Variants in MPG observed in about 807,000 individuals in gnomAD.
MPG encodes the protein DNA-3-methyladenine glycosylase.
A neutral mutation model predicts 31.7 loss-of-function variants in MPG; 33 were observed. The ratio of observed to expected loss-of-function variants is 1.04; its 90% CI spans 0.79 to 1.39. The LOEUF is 1.39. Among genes scored for constraint, MPG ranks in the 40% most tolerant of loss-of-function variants. The probability of loss-of-function intolerance (pLI) is 0.00; values close to 1 mark genes in which losing one functional copy is unlikely to be tolerated. For missense variants in MPG, 455 were observed against 415.5 expected (o/e 1.10, Z -0.83); for synonymous variants, 202 against 169.2 (o/e 1.19, Z -1.51).
chr16:82,141 C>T lies in MPG; in HGVS notation c.301-911C>T, dbSNP rs1171162267. ...GGGAAGCCCTCCTGAATGCTCCCCA[C>T]GCTGGCCCCTTCTTCCCACCACCCT... On this transcript the variant is annotated intron_variant, in intron 2 of 3. Transcript: ENST00000356432. Among the ~76,000 whole-genome samples the T allele has an allele frequency of 4.9e-5, 4 of 81,446 alleles. 1 individual carries two copies. Among genetic ancestry groups the T allele is most frequent in the Middle Eastern group, 0.015 (2 of 134 alleles). The allele number at this position is 81,446 out of a possible 152,430, so 53.4% of individuals were successfully genotyped here.
At position 85,487 on chromosome 16, in the gene MPG, G is replaced by A. The variant is rs771688051; in HGVS notation, c.592G>A (p.Gly198Ser). ...TCAGCTTCGCAGCACCCTCCGGAAA[G>A]GCACCGCCAGCCGTGTCCTCAAGGA... ...MRQLRSTLRK[G>S]TASRVLKDRE... The change falls in exon 4 of 4, where the codon GGC (glycine) becomes AGC (serine). Residue 198 changes from glycine (G) to serine (S), a missense_variant. Coordinates refer to ENST00000356432, the MANE Select transcript of MPG (RefSeq NM_001015052.3). The A allele has an allele frequency of 2.5e-6, 4 of 1,613,098 alleles. No homozygotes were observed. Among genetic ancestry groups the A allele is most frequent in the Non-Finnish European group, 3.4e-6 (4 of 1,180,040 alleles).
Position 85,516 on chromosome 16 carries a change from C to G in MPG, c.621C>G (p.Arg207=). Residue 207 remains arginine (R), a synonymous_variant, in exon 4 of 4, where the codon CGC becomes CGG. Coordinates refer to ENST00000356432, the MANE Select transcript of MPG (RefSeq NM_001015052.3). ...CCGCCAGCCGTGTCCTCAAGGACCG[C>G]GAGCTCTGCAGTGGCCCCTCCAAGC... ...KGTASRVLKD[R]ELCSGPSKLC... is the part of the protein sequence containing the mutation. 2 of 1,613,358 alleles carry G rather than the reference C, an allele frequency of 1.2e-6. No homozygotes were observed. Among genetic ancestry groups the G allele is most frequent in the Non-Finnish European group, 1.7e-6 (2 of 1,180,042 alleles).
Position 83,133 on chromosome 16 carries a change from G to A in MPG, c.382G>A (p.Glu128Lys), listed in dbSNP as rs764582532. 3.1e-6 allele frequency: 5 copies of A among 1,613,220 alleles called. No homozygotes were observed. Among genetic ancestry groups the A allele is most frequent in the East Asian group, 4.5e-5 (2 of 44,884 alleles). The change falls in exon 3 of 4, where the codon GAA (glutamate) becomes AAA (lysine). Residue 128 changes from glutamate (E) to lysine (K), a missense_variant. By Grantham distance (56) the Glu-to-Lys change is moderately conservative (BLOSUM62 1). Coordinates refer to ENST00000356432, the MANE Select transcript of MPG (RefSeq NM_001015052.3). ...ETEAYLGPEDEAAHSRGGRQT... is the reference protein window; with the variant it reads ...ETEAYLGPEDKAAHSRGGRQT... ...CGAGGCATACCTGGGGCCAGAGGAT[G>A]AAGCCGCCCACTCAAGGGGTGGCCG...
At chr16:78,143 CG>C (rs530262353), upstream of MPG, 273 of 459,770 alleles carry the variant, frequency 5.9e-4, 2 homozygotes, top group African/African-American at 4.8e-3. Flanking sequence ...CGCCCCGCCC[CG>C]GGGGCGCAGC....
rs3176391 is a variant in MPG at position 79,916 on chromosome 16, G to C, written c.300+216G>C. On this transcript the variant is annotated intron_variant, in intron 2 of 3. Transcript: ENST00000356432. ...GAGATTGTCAGTGCTGCTTGCCCAG[G>C]GTGGAGCAGGGGTGCCACTGTCTGC... 3,262 of 627,854 alleles carry C rather than the reference G, an allele frequency of 5.2e-3. 90 individuals are homozygous for C. In the African/African-American group the frequency reaches 0.053, roughly 10 times the overall value. The allele number at this position is 627,854 out of a possible 1,614,324, so 38.9% of individuals were successfully genotyped here. A position where few individuals can be genotyped will look rare whatever the true frequency, so the allele number is the denominator to read the frequency against.
chr16:84,442 C>A (rs1061435), intron 3 of MPG: 109,882 of 151,854 alleles, frequency 0.72, 42,609 homozygotes, highest in South Asian at 0.87. Flanking sequence ...TTGGCCACCT[C>A]CAGGCTAAGC....
rs2266606 is a variant in MPG, at chr16:79,589, G to C, written c.189G>C (p.Pro63=). Residue 63 remains proline (P), a synonymous_variant, in exon 2 of 4, where the codon CCG becomes CCC. Transcript: ENST00000356432. ...RERCLGPPTT[P]GPYRSIYFSS... is the part of the protein sequence containing the mutation. ...GCTGCTTGGGACCGCCCACCACTCC[G>C]GGCCCATACCGCAGCATCTATTTCT... The C allele has an allele frequency of 1.9e-6, 3 of 1,610,428 alleles. No individual in the cohort carries two copies. The highest frequency in any genetic ancestry group is 2.2e-5 in the East Asian group (1 of 44,766).
intron 1 of MPG, 144 bp from the exon 2 acceptor site, chr16:79,281 A>G (rs371373277): frequency 6.4e-6 from 10 of 1,573,744 alleles, no homozygotes; most frequent in South Asian, 3.4e-5. Flanking sequence ...GTGCCTCATA[A>G]CAACCCACAG....
Position 83,100 on chromosome 16 carries a change from G to C in MPG, c.349G>C (p.Val117Leu). Residue 117 changes from valine to leucine, a missense_variant, in exon 3 of 4, where the codon GTG becomes CTG. Val to Leu is a conservative substitution (Grantham distance 32). Transcript: ENST00000356432. ...PNGTELRGRIVETEAYLGPED... is the reference protein window; with the variant it reads ...PNGTELRGRILETEAYLGPED... ...TGGCACAGAACTCCGAGGCCGCATC[G>C]TGGAGACCGAGGCATACCTGGGGCC... The C allele has an allele frequency of 6.2e-7, 1 of 1,612,512 alleles. No individual in the cohort carries two copies. The highest frequency in any genetic ancestry group is 8.5e-7 in the Non-Finnish European group (1 of 1,179,482).
Position 79,449 on chromosome 16 carries a change from A to G in MPG, c.49A>G (p.Lys17Glu). Residue 17 changes from lysine (K) to glutamate (E), a missense_variant, in exon 2 of 4, where the codon AAG (lysine) becomes GAG (glutamate). Transcript: ENST00000356432. ...AQFCRRMGQK[K>E]QRPARAGQPH... Reference sequence around the variant, plus strand: ...GTTTTGCCGACGGATGGGGCAAAAGAAGCAGCGACCAGCTAGAGCAGGGCA... The same window carrying G: ...GTTTTGCCGACGGATGGGGCAAAAGGAGCAGCGACCAGCTAGAGCAGGGCA... 1 of 1,613,186 alleles carries G rather than the reference A, an allele frequency of 6.2e-7. No individual in the cohort carries two copies. Among genetic ancestry groups the G allele is most frequent in the Non-Finnish European group, 8.5e-7 (1 of 1,180,008 alleles).
At position 83,478 on chromosome 16, in the gene MPG, C is replaced by G. The variant is rs763425044; in HGVS notation, c.505+222C>G. The G allele has an allele frequency of 2.9e-4, 151 of 523,192 alleles. 2 individuals carry two copies. The highest frequency in any genetic ancestry group is 4.6e-4 in the South Asian group (19 of 41,704). 32.4% of individuals were successfully genotyped at this position (523,192 alleles called of 1,614,324 possible). On this transcript the variant is annotated intron_variant, in intron 3 of 3. Transcript: ENST00000356432. Reference sequence around the variant, plus strand: ...GGGTGGGGCCGGGCGCGGTGGCTCACGCCTGTCATCCCAGCACTTCGGGAG... The same window carrying G: ...GGGTGGGGCCGGGCGCGGTGGCTCAGGCCTGTCATCCCAGCACTTCGGGAG...
chr16:79,183 G>A, intron 1 of MPG: 1 of 1,544,002 alleles, frequency 6.5e-7, no homozygotes, highest in Middle Eastern at 1.9e-4. Flanking sequence ...GCACATATGT[G>A]GGGCAGAGCA....
chr16:77,563 C>A (rs1898120844), upstream of MPG, among the ~76,000 whole-genome samples: 1 of 152,186 alleles, frequency 6.6e-6, no homozygotes, highest in African/African-American at 2.4e-5. Flanking sequence ...TCCAGCAGGC[C>A]CAACCCAGAA....
rs768002164 is a variant in MPG at position 85,733 on chromosome 16, G to A, written c.838G>A (p.Val280Ile). The stretch of plus-strand genomic sequence containing the variant: ...CTTCTATGTCCGGGGCAGCCCCTGG[G>A]TCAGTGTGGTCGACAGAGTGGCTGA... ...LRFYVRGSPW[V>I]SVVDRVAEQD... The change falls in exon 4 of 4, where the codon GTC becomes ATC. Residue 280 changes from valine to isoleucine, a missense_variant. Transcript: ENST00000356432. 1.1e-5 allele frequency: 16 copies of A among 1,521,450 alleles called. No individual in the cohort carries two copies. The highest frequency in any genetic ancestry group is 1.2e-5 in the Non-Finnish European group (14 of 1,133,146). The allele number at this position is 1,521,450 out of a possible 1,614,324, so 94.2% of individuals were successfully genotyped here.
chr16:77,452 C>G (rs1281792592), upstream of MPG, among the ~76,000 whole-genome samples: 1 of 152,188 alleles, frequency 6.6e-6, no homozygotes, highest in Non-Finnish European at 1.5e-5. Flanking sequence ...CTTACAGGCG[C>G]TGGGCCGTCG....
intron 1 of MPG, 148 bp downstream of exon 1, chr16:78,481 G>C: frequency 2.8e-6 from 2 of 717,914 alleles, no homozygotes; most frequent in Non-Finnish European, 3.6e-6. Context: ...ATAGGCCAAG[G>C]GCCAAGCTCG....
chr16:81,213 G>A (rs1035832894), intron 2 of MPG, among the ~76,000 whole-genome samples: 1 of 152,242 alleles, frequency 6.6e-6, no homozygotes, highest in African/African-American at 2.4e-5. Context: ...TGCCAACAAG[G>A]AAGAGGGGTG....
upstream of MPG, chr16:78,084 T>C: frequency 3.1e-6 from 1 of 324,628 alleles, no homozygotes; most frequent in Non-Finnish European, 5.6e-6. Context: ...CGGGAATCGG[T>C]CCGGACCTGG....
upstream of MPG, among the ~76,000 whole-genome samples, chr16:77,573 A>T (rs1898121198): frequency 6.6e-6 from 1 of 152,206 alleles, no homozygotes; most frequent in Non-Finnish European, 1.5e-5. Context: ...CCAACCCAGA[A>T]CGTGGGCGAG....
Sources: allele counts gnomAD v4.1 joint callset (sites outside exome capture counted in the v4.1 genomes callset), GRCh38; gene constraint gnomAD v4.1.1; transcripts MANE v1.5; gene names NCBI Gene and HGNC (gene_info 2026-07-23, HGNC 2026-07-21).